SNX4: variants seen among roughly 807,000 people sequenced by gnomAD.
SNX4 encodes the protein sorting nexin 4, also known as sorting nexin-4.
A neutral mutation model predicts 70.8 loss-of-function variants in SNX4; 49 were observed. The ratio of observed to expected loss-of-function variants is 0.69; its 90% confidence interval spans 0.55 to 0.88. The LOEUF is 0.88. Among genes scored for constraint, SNX4 ranks in the 40% least tolerant of loss-of-function variants. The probability of loss-of-function intolerance (pLI) is 0.00; values close to 1 mark genes in which losing one functional copy is unlikely to be tolerated. For missense variants in SNX4, 528 were observed against 544.8 expected (o/e 0.97, Z 0.31); for synonymous variants, 206 against 183.8 (o/e 1.12, Z -0.98).
Position 125,476,679 on chromosome 3 carries a change from T to C in SNX4, c.788+16A>G, listed in dbSNP as rs771277736. 1 of 1,521,000 alleles carries C rather than the reference T, an allele frequency of 6.6e-7. No homozygotes were observed. The highest frequency in any genetic ancestry group is 9.1e-7 in the Non-Finnish European group (1 of 1,099,096). 94.2% of individuals were successfully genotyped at this position (1,521,000 alleles called of 1,614,324 possible). On this transcript the variant is annotated intron_variant, in intron 8 of 13. Transcript: ENST00000251775. ...TAATTAAAGCTAATTATTTTTAAAG[T>C]TTGTATGATGCTTACCTGAAAACTC...
intron 8 of SNX4, among the ~76,000 whole-genome samples, chr3:125,470,019 A>C (rs1025763951): frequency 1.3e-5 from 2 of 152,184 alleles, no homozygotes; most frequent in African/African-American, 4.8e-5. Context: ...TAATAATAAT[A>C]ATCATATTAC....
At chr3:125,499,132 C>A (rs1315660081) in intron 2 of SNX4, among the ~76,000 whole-genome samples, 2 of 152,126 alleles carry the variant, frequency 1.3e-5, no homozygotes, top group Non-Finnish European at 2.9e-5. Flanking sequence ...TACAAAAGTT[C>A]AATTTACTTT....
chr3:125,500,976 G>A (rs7645644), intron 2 of SNX4, among the ~76,000 whole-genome samples: 82,132 of 151,200 alleles, frequency 0.54, 23,964 homozygotes, highest in African/African-American at 0.78. Context: ...CTTGTATCCA[G>A]AAGGTAGGTA....
chr3:125,518,463 A>G (rs1935325353), intron 1 of SNX4, among the ~76,000 whole-genome samples: 1 of 151,386 alleles, frequency 6.6e-6, no homozygotes, highest in Non-Finnish European at 1.5e-5. Flanking sequence ...ACCTGTCTCA[A>G]AGAAAAAAAA....
chr3:125,512,709 G>A (rs1935194586), intron 1 of SNX4, among the ~76,000 whole-genome samples: 1 of 151,896 alleles, frequency 6.6e-6, no homozygotes, highest in Admixed American at 6.6e-5. Flanking sequence ...TGCCTAGGCT[G>A]GTCTCAAACT....
chr3:125,519,963 A>AGCCCAGCCCAGCCCC, intron 1 of SNX4, 69 bp downstream of exon 1: 1 of 671,490 alleles, frequency 1.5e-6, no homozygotes, highest in Non-Finnish European at 2.1e-6. Context: ...AGCCCAGCCC[A>AGCCCAGCCCAGCCCC]GCCCAGCCCA....
intron 2 of SNX4, among the ~76,000 whole-genome samples, chr3:125,498,789 G>C (rs1378382594): frequency 6.6e-6 from 1 of 152,140 alleles, no homozygotes; most frequent in Non-Finnish European, 1.5e-5. Context: ...AAGAGAAACA[G>C]TTTTATTAGG....
At chr3:125,469,609 A>G in intron 8 of SNX4, 90 bp from the exon 9 acceptor site, 1 of 904,366 alleles carries the variant, frequency 1.1e-6, no homozygotes, top group East Asian at 2.5e-5. Context: ...TTGTCTAGCT[A>G]GCTTTAAAAT....
Position 125,447,827 on chromosome 3 carries a change from C to A in SNX4, c.1306-1G>T. On this transcript the variant is annotated splice_acceptor_variant, in intron 13 of 13. Transcript: ENST00000251775. LOFTEE classifies it high-confidence loss of function. The stretch of plus-strand genomic sequence containing the variant: ...TAGCATTGGTCCAAACTTGAATTCC[C>A]TAAAAATAAAAATAAAAACTTTAAA... The A allele has an allele frequency of 6.3e-7, 1 of 1,580,270 alleles. No homozygotes were observed.
chr3:125,475,797 T>C (rs1382896248), intron 8 of SNX4, among the ~76,000 whole-genome samples: 1 of 151,946 alleles, frequency 6.6e-6, no homozygotes, highest in Non-Finnish European at 1.5e-5. Context: ...GGCAACATAG[T>C]AAAGTCCCAT....
At chr3:125,506,817 T>TTAA (rs199752160) in intron 1 of SNX4, among the ~76,000 whole-genome samples, 1 of 26,820 alleles carries the variant, frequency 3.7e-5, no homozygotes, top group Non-Finnish European at 7.8e-5. Context: ...GTGGAGAAAG[T>TTAA]AAAAAAAAAA....
intron 5 of SNX4, among the ~76,000 whole-genome samples, chr3:125,495,885 G>A (rs1281846601): frequency 6.6e-6 from 1 of 151,928 alleles, no homozygotes; most frequent in East Asian, 1.9e-4. Context: ...AACATAAATC[G>A]GTTTTTAAAC....
At chr3:125,492,316 T>C (rs1201330888) in intron 5 of SNX4, among the ~76,000 whole-genome samples, 1 of 152,024 alleles carries the variant, frequency 6.6e-6, no homozygotes, top group Non-Finnish European at 1.5e-5. Context: ...TCACTGCAGG[T>C]TTCTTATCAT....
At chr3:125,511,366 A>G (rs1375925567) in intron 1 of SNX4, among the ~76,000 whole-genome samples, 1 of 152,212 alleles carries the variant, frequency 6.6e-6, no homozygotes, top group East Asian at 1.9e-4. Flanking sequence ...ATCAGCAGTT[A>G]GCATAATTTT....
intron 1 of SNX4, among the ~76,000 whole-genome samples, chr3:125,510,995 C>T (rs1482669429): frequency 1.3e-5 from 2 of 152,164 alleles, no homozygotes; most frequent in Non-Finnish European, 2.9e-5. Flanking sequence ...CTCGGCTGAC[C>T]GCAACCTCAG....
chr3:125,499,093 G>A (rs1373449622), intron 2 of SNX4, among the ~76,000 whole-genome samples: 1 of 152,088 alleles, frequency 6.6e-6, no homozygotes, highest in Non-Finnish European at 1.5e-5. Context: ...AATTATAAAG[G>A]GCTGGTAGGC....
chr3:125,453,598 C>T lies in SNX4; in HGVS notation c.1190+212G>A, dbSNP rs542290543. Among the ~76,000 whole-genome samples the T allele has an allele frequency of 3.6e-4, 55 of 152,162 alleles. 1 individual carries two copies. In the South Asian group the frequency reaches 0.011, roughly 32 times the overall value. On this transcript the variant is annotated intron_variant, in intron 12 of 13. Coordinates refer to ENST00000251775, the MANE Select transcript of SNX4 (RefSeq NM_003794.4). Reference sequence around the variant, plus strand: ...TCCCAGGCTCAAGCAATCCTCCCACCTCAGCCTCCTAAAGTGTCAGGATTA... The same window carrying T: ...TCCCAGGCTCAAGCAATCCTCCCACTTCAGCCTCCTAAAGTGTCAGGATTA...
chr3:125,466,181 T>C (rs115517731), intron 9 of SNX4, among the ~76,000 whole-genome samples: 2,370 of 152,252 alleles, frequency 0.016, 62 homozygotes, highest in African/African-American at 0.053. Flanking sequence ...TTGTTGCTAG[T>C]ATATAATAGA....
chr3:125,477,297 G>A (rs1934309057), intron 7 of SNX4, among the ~76,000 whole-genome samples: 1 of 152,140 alleles, frequency 6.6e-6, no homozygotes, highest in Admixed American at 6.6e-5. Flanking sequence ...CTGAATACAT[G>A]CATATACTTC....
Sources: allele counts gnomAD v4.1 joint callset (sites outside exome capture counted in the v4.1 genomes callset), GRCh38; gene constraint gnomAD v4.1.1; transcripts MANE v1.5; gene names NCBI Gene and HGNC (gene_info 2026-07-23, HGNC 2026-07-21).